The following LRRIQ1 variants were observed in gnomAD, a reference collection of about 807,000 sequenced individuals.
LRRIQ1 encodes the protein leucine-rich repeat- and IQ domain-containing protein 1.
In LRRIQ1, 210 loss-of-function variants were observed where a neutral mutation model predicts 211.9. That is an observed-to-expected ratio of 0.99 (90% CI 0.89 to 1.11). The LOEUF (loss-of-function observed/expected upper bound fraction) is 1.11. LRRIQ1 is among the 50% of genes most tolerant of loss of function. The pLI, the probability that LRRIQ1 is intolerant of heterozygous loss-of-function variation, is 0.00. For synonymous variants in LRRIQ1, 699 were observed against 650.1 expected (o/e 1.08, Z -1.14); for missense variants, 2,136 against 1,939.5 (o/e 1.10, Z -1.90).
chr12:85,095,666 G>T (rs939231643), intron 11 of LRRIQ1, among the ~76,000 whole-genome samples: 1 of 152,064 alleles, frequency 6.6e-6, no homozygotes, highest in Non-Finnish European at 1.5e-5. Context: ...AGGTATGGGG[G>T]AGTCCCTACT....
chr12:85,143,176 T>C (rs1173935265), intron 19 of LRRIQ1, among the ~76,000 whole-genome samples: 1 of 151,830 alleles, frequency 6.6e-6, no homozygotes, highest in South Asian at 2.1e-4. Context: ...GATATCTCAT[T>C]GTGGTTTTAA....
chr12:85,253,373 C>G (rs942366625), intron 1 of LRRIQ1, among the ~76,000 whole-genome samples: 2 of 152,054 alleles, frequency 1.3e-5, no homozygotes, highest in Non-Finnish European at 2.9e-5. Context: ...ATAGACTACT[C>G]ACACAAGATT....
At chr12:85,040,778 T>A (rs1878787199) in intron 3 of LRRIQ1, among the ~76,000 whole-genome samples, 177 bp downstream of exon 3, 2 of 151,614 alleles carry the variant, frequency 1.3e-5, no homozygotes, top group Admixed American at 1.3e-4. Flanking sequence ...TCATTCATTT[T>A]TTTTTTACTA....
intron 24 of LRRIQ1, among the ~76,000 whole-genome samples, chr12:85,164,347 T>TA (rs1891046445): frequency 6.6e-6 from 1 of 152,202 alleles, no homozygotes; most frequent in African/African-American, 2.4e-5. Flanking sequence ...ATTAGCTCTG[T>TA]GACCTTTGGG....
At chr12:85,128,824 G>A (rs572551488) in intron 18 of LRRIQ1, among the ~76,000 whole-genome samples, 5 of 152,198 alleles carry the variant, frequency 3.3e-5, no homozygotes, top group African/African-American at 9.6e-5. Flanking sequence ...TTCTTTTTAA[G>A]CAGTATAAAA....
At chr12:85,168,416 A>G (rs1891255296) in intron 24 of LRRIQ1, among the ~76,000 whole-genome samples, 1 of 152,162 alleles carries the variant, frequency 6.6e-6, no homozygotes, top group South Asian at 2.1e-4. Flanking sequence ...TTGTTAGCCT[A>G]TTGACTTAGA....
chr12:85,154,648 C>A (rs1380734504), intron 23 of LRRIQ1, among the ~76,000 whole-genome samples: 1 of 151,136 alleles, frequency 6.6e-6, no homozygotes, highest in Non-Finnish European at 1.5e-5. Flanking sequence ...TCTTTGGATA[C>A]CTCTAATCAT....
chr12:85,044,463 C>T (rs1453295284), intron 3 of LRRIQ1, among the ~76,000 whole-genome samples: 1 of 151,944 alleles, frequency 6.6e-6, no homozygotes, highest in Non-Finnish European at 1.5e-5. Flanking sequence ...GGGAAATAAA[C>T]TTCAGGCACT....
rs745804018 is a variant in LRRIQ1 at position 85,056,679 on chromosome 12, T to C, written c.1886T>C (p.Ile629Thr). The C allele has an allele frequency of 6.2e-7, 1 of 1,605,224 alleles. No homozygotes were observed. Among genetic ancestry groups the C allele is most frequent in the South Asian group, 1.1e-5 (1 of 88,934 alleles). The change falls in exon 8 of 27, where the codon ATA becomes ACA. Residue 629 changes from isoleucine to threonine, a missense_variant. By Grantham distance (89) the Ile-to-Thr change is moderately conservative. Coordinates refer to ENST00000393217, the MANE Select transcript of LRRIQ1 (RefSeq NM_001079910.2). ...TCCAAAGATGTAAGAGAAAACGTAA[T>C]ATTACAAGAAAAAGAAATTTATTCA... ...ENSKDVRENVILQEKEIYSKS... is the reference protein window; with the variant it reads ...ENSKDVRENVTLQEKEIYSKS...
intron 11 of LRRIQ1, among the ~76,000 whole-genome samples, chr12:85,092,119 G>T (rs1376393672): frequency 1.3e-5 from 2 of 152,166 alleles, no homozygotes; most frequent in Non-Finnish European, 2.9e-5. Context: ...TGCAAATACA[G>T]ATTAACATTT....
intron 11 of LRRIQ1, among the ~76,000 whole-genome samples, chr12:85,089,657 T>C (rs1885178037): frequency 6.6e-6 from 1 of 152,256 alleles, no homozygotes; most frequent in Non-Finnish European, 1.5e-5. Flanking sequence ...AAGAAACTTC[T>C]AAGCAGCAAA....
chr12:85,245,379 T>A (rs1895670070), downstream of LRRIQ1, among the ~76,000 whole-genome samples: 1 of 151,186 alleles, frequency 6.6e-6, no homozygotes, highest in Non-Finnish European at 1.5e-5. Context: ...TTTCAAAAAC[T>A]ATTTCCATTG....
intron 24 of LRRIQ1, among the ~76,000 whole-genome samples, chr12:85,183,841 T>C (rs1160801551): frequency 6.6e-6 from 1 of 152,138 alleles, no homozygotes; most frequent in African/African-American, 2.4e-5. Context: ...TATAGACATA[T>C]AAGGTTGTTT....
chr12:85,237,840 A>G (rs1184902898), intron 26 of LRRIQ1, among the ~76,000 whole-genome samples: 1 of 152,152 alleles, frequency 6.6e-6, no homozygotes, highest in Non-Finnish European at 1.5e-5. Flanking sequence ...AAAGGATGCT[A>G]ACAAAATCTA....
intron 24 of LRRIQ1, among the ~76,000 whole-genome samples, chr12:85,206,843 C>T (rs984852633): frequency 5.9e-5 from 9 of 152,204 alleles, no homozygotes; most frequent in East Asian, 3.9e-4. Context: ...TCAGGTCAAA[C>T]GGGCCTCATC....
chr12:85,205,955 A>G (rs1049283818), intron 24 of LRRIQ1, among the ~76,000 whole-genome samples: 8 of 152,038 alleles, frequency 5.3e-5, no homozygotes, highest in African/African-American at 1.2e-4. Context: ...TATCATCTCA[A>G]TTTGGTTCTC....
chr12:85,081,315 T>A (rs1440190468), intron 11 of LRRIQ1, among the ~76,000 whole-genome samples: 2 of 152,176 alleles, frequency 1.3e-5, no homozygotes, highest in African/African-American at 4.8e-5. Flanking sequence ...TATGTTTATA[T>A]AATTTTCAGT....
chr12:85,192,394 G>T (rs1892565977), intron 24 of LRRIQ1, among the ~76,000 whole-genome samples: 1 of 130,966 alleles, frequency 7.6e-6, no homozygotes, highest in Non-Finnish European at 1.6e-5. Flanking sequence ...TATATATAGT[G>T]TATATATATT....
intron 11 of LRRIQ1, among the ~76,000 whole-genome samples, chr12:85,073,440 GC>G (rs541221705): frequency 3.2e-4 from 49 of 152,040 alleles, no homozygotes; most frequent in Admixed American, 2.1e-3. Context: ...TGGAGTGAAG[GC>G]AAGTGCATTG....
Sources: allele counts gnomAD v4.1 joint callset (sites outside exome capture counted in the v4.1 genomes callset), GRCh38; gene constraint gnomAD v4.1.1; transcripts MANE v1.5; gene names NCBI Gene and HGNC (gene_info 2026-07-23, HGNC 2026-07-21).